Variants in RADX observed in about 807,000 individuals in gnomAD.
RADX encodes the protein RPA-related protein RADX.
RADX carries 36 observed loss-of-function variants against 61.6 expected under a neutral mutation model. The observed-to-expected ratio is 0.58, with a 90% confidence interval of 0.45 to 0.77. RADX has a LOEUF of 0.77. Ranked by LOEUF, RADX falls within the 30% of genes least tolerant of loss-of-function variation. RADX has a pLI of 0.00. For missense variants in RADX, 497 were observed against 651.1 expected (o/e 0.76, Z 2.58); for synonymous variants, 272 against 237.9 (o/e 1.14, Z -1.32).
chrX:106,646,995 C>T (rs948711178), intron 10 of RADX, among the ~76,000 whole-genome samples: 1 of 111,117 alleles, frequency 9.0e-6, no homozygotes, highest in Non-Finnish European at 1.9e-5. Context: ...AATTAAATTA[C>T]ACAGTCTTTT....
chrX:106,625,401 T>C (rs1201166848), intron 3 of RADX, 119 bp downstream of exon 3: 2 of 384,563 alleles, frequency 5.2e-6, no homozygotes, highest in Non-Finnish European at 4.2e-6. Context: ...TATGAAACCT[T>C]TAAATTTATT....
At chrX:106,619,780 CTGAG>C (rs72011330) in intron 1 of RADX, among the ~76,000 whole-genome samples, 11,859 of 111,152 alleles carry the variant, frequency 0.11, 1,523 homozygotes, top group African/African-American at 0.37. Flanking sequence ...TGTTTACATT[CTGAG>C]TATTACATTT....
At position 106,667,821 on chromosome X, in the gene RADX, G is replaced by T. The variant is rs745939905; in HGVS notation, c.2270-1342G>T. ...TTAAGGCATCCTTCCTTTTTTGTTT[G>T]CAAGTTGGAACGGTCAATGGTAAAT... On this transcript the variant is annotated intron_variant, in intron 12 of 13. Transcript: ENST00000372548. Among the ~76,000 whole-genome samples the T allele has an allele frequency of 3.6e-5, 4 of 111,193 alleles. No individual in the cohort carries two copies. In the Admixed American group the frequency reaches 3.8e-4, roughly 11 times the overall value.
chrX:106,636,340 C>A (rs1255804859), intron 6 of RADX, among the ~76,000 whole-genome samples: 1 of 111,692 alleles, frequency 9.0e-6, no homozygotes, highest in Non-Finnish European at 1.9e-5. Context: ...GGACTGGCAG[C>A]ACTAATAATT....
At chrX:106,671,613 G>T (rs1252060621) in intron 13 of RADX, among the ~76,000 whole-genome samples, 1 of 111,489 alleles carries the variant, frequency 9.0e-6, no homozygotes, top group Non-Finnish European at 1.9e-5. Flanking sequence ...CTCTAAAATG[G>T]TGATGCTAAT....
chrX:106,626,122 A>C (rs1244931005), intron 3 of RADX, among the ~76,000 whole-genome samples: 1 of 111,670 alleles, frequency 9.0e-6, no homozygotes, highest in Non-Finnish European at 1.9e-5. Context: ...AATTGTTTTT[A>C]GATATGACCG....
At chrX:106,673,435 G>GC (rs1928415707) in intron 13 of RADX, among the ~76,000 whole-genome samples, 1 of 110,426 alleles carries the variant, frequency 9.1e-6, no homozygotes, top group African/African-American at 3.3e-5. Context: ...GGGAGCTAAG[G>GC]CCCGAAACGA....
chrX:106,643,409 G>A (rs1272473305), intron 10 of RADX, among the ~76,000 whole-genome samples: 1 of 110,077 alleles, frequency 9.1e-6, no homozygotes, highest in African/African-American at 3.4e-5. Flanking sequence ...TTGCCCAGAC[G>A]AATGTCCTGT....
intron 10 of RADX, among the ~76,000 whole-genome samples, chrX:106,647,580 G>A (rs757542004): frequency 2.4e-4 from 27 of 111,126 alleles, no homozygotes; most frequent in African/African-American, 8.8e-4. Flanking sequence ...TGTCTTCATA[G>A]TGGATATACT....
intron 13 of RADX, among the ~76,000 whole-genome samples, chrX:106,672,831 G>A (rs1928401389): frequency 8.9e-6 from 1 of 111,824 alleles, no homozygotes; most frequent in Non-Finnish European, 1.9e-5. Context: ...AGGTGAGCTG[G>A]CTTTCAAACA....
chrX:106,642,950 G>A (rs746740869), intron 10 of RADX, among the ~76,000 whole-genome samples: 5 of 111,402 alleles, frequency 4.5e-5, no homozygotes, highest in Non-Finnish European at 9.4e-5. Context: ...CGTTTTAACT[G>A]AGGTAAAATG....
chrX:106,662,494 A>T (rs1928124606), intron 12 of RADX, among the ~76,000 whole-genome samples, 189 bp downstream of exon 12: 1 of 110,993 alleles, frequency 9.0e-6, no homozygotes, highest in African/African-American at 3.3e-5. Context: ...GCTTCTAAAC[A>T]TTGGCAAGTC....
intron 10 of RADX, 26 bp from the exon 11 acceptor site, chrX:106,648,287 G>C: frequency 9.9e-7 from 1 of 1,008,025 alleles, no homozygotes; most frequent in East Asian, 3.1e-5. Flanking sequence ...TATAAGGATT[G>C]GTTATACTCT....
intron 11 of RADX, among the ~76,000 whole-genome samples, chrX:106,659,491 TA>T (rs1178258387): frequency 2.7e-5 from 3 of 111,897 alleles, no homozygotes; most frequent in Admixed American, 9.5e-5. Flanking sequence ...TTGTAAAATA[TA>T]AAAATATAAT....
intron 8 of RADX, 103 bp from the exon 9 acceptor site, chrX:106,639,424 G>T: frequency 1.5e-6 from 1 of 681,311 alleles, no homozygotes; most frequent in East Asian, 3.6e-5. Context: ...AGTTAATGTA[G>T]TAAGTTTATA....
At chrX:106,632,851 A>T (rs189339038) in intron 4 of RADX, 81 bp from the exon 5 acceptor site, 5 of 963,595 alleles carry the variant, frequency 5.2e-6, no homozygotes, top group Non-Finnish European at 7.3e-6. Flanking sequence ...AATTATGTAG[A>T]TATACATTTT....
rs1216875679 is a variant in RADX, at chrX:106,622,264, T to A, written c.644-387T>A. 6.3e-5 allele frequency among the ~76,000 whole-genome samples: 7 copies of A among 110,838 alleles called. No homozygotes were observed. The East Asian group carries it at 2.0e-3, about 31-fold the overall frequency. The stretch of plus-strand genomic sequence containing the variant: ...CATTTCTATAAATTAAATATATAAG[T>A]GCTTAGTAATGGGAAAAATATTCCA... On this transcript the variant is annotated intron_variant, in intron 1 of 13. Transcript: ENST00000372548.
At chrX:106,636,345 A>G (rs780308600) in intron 6 of RADX, among the ~76,000 whole-genome samples, 198 bp from the exon 7 acceptor site, 1 of 111,935 alleles carries the variant, frequency 8.9e-6, no homozygotes, top group South Asian at 3.7e-4. Flanking sequence ...GGCAGCACTA[A>G]TAATTGCCTA....
intron 6 of RADX, among the ~76,000 whole-genome samples, chrX:106,635,327 A>G (rs954846993): frequency 8.9e-6 from 1 of 111,747 alleles, no homozygotes; most frequent in Non-Finnish European, 1.9e-5. Flanking sequence ...TGGATTTCAT[A>G]TAGCTAGGAA....
Sources: gnomAD v4.1 joint callset for allele counts (sites outside exome capture counted in the v4.1 genomes callset) on GRCh38, gnomAD v4.1.1 for gene constraint, MANE v1.5 for transcripts, NCBI Gene and HGNC (gene_info 2026-07-23, HGNC 2026-07-21) for gene names.